The following KCNJ6 variants were observed in gnomAD, a reference collection of about 807,000 sequenced individuals.
The protein encoded by KCNJ6 is potassium inwardly rectifying channel subfamily J member 6.
A neutral mutation model predicts 34.2 loss-of-function variants in KCNJ6; 9 were observed. That is an observed-to-expected ratio of 0.26 (90% CI 0.16 to 0.46). KCNJ6 has a LOEUF of 0.46. Among genes scored for constraint, KCNJ6 ranks in the 20% least tolerant of loss-of-function variants. The pLI, the probability that KCNJ6 is intolerant of heterozygous loss-of-function variation, is 1.00. For missense variants in KCNJ6, 236 were observed against 531.3 expected (o/e 0.44, Z 5.46); for synonymous variants, 196 against 207.1 (o/e 0.95, Z 0.46).
At chr21:37,693,730 T>C (rs930813853) in intron 3 of KCNJ6, among the ~76,000 whole-genome samples, 3 of 152,190 alleles carry the variant, frequency 2.0e-5, no homozygotes, top group South Asian at 2.1e-4. Context: ...GTCTAATAGA[T>C]TAAATGGTAA....
intron 1 of KCNJ6, among the ~76,000 whole-genome samples, chr21:37,910,462 CTT>C: frequency 6.6e-6 from 1 of 152,304 alleles, no homozygotes; most frequent in East Asian, 1.9e-4. Context: ...AGGATTTAAA[CTT>C]AATTTATAGA....
rs932818863 is a variant in KCNJ6 at position 37,610,321 on chromosome 21, G to A, written c.*14838C>T. The A allele has an allele frequency of 6.6e-6, 1 of 152,138 alleles. No individual in the cohort carries two copies. The highest frequency in any genetic ancestry group is 6.6e-5 in the Admixed American group (1 of 15,266). 9.4% of individuals were successfully genotyped at this position (152,138 alleles called of 1,614,324 possible). Reference sequence around the variant, plus strand: ...CATGGAATGTTCATCAAGTTAGACTGCATTCTGGGTCATAAAACATACCTT... The same window carrying A: ...CATGGAATGTTCATCAAGTTAGACTACATTCTGGGTCATAAAACATACCTT... On this transcript the variant is annotated 3_prime_UTR_variant, in exon 4 of 4. Coordinates refer to ENST00000609713, the MANE Select transcript of KCNJ6 (RefSeq NM_002240.5).
At chr21:37,813,989 T>C (rs2055334632) in intron 2 of KCNJ6, among the ~76,000 whole-genome samples, 1 of 152,146 alleles carries the variant, frequency 6.6e-6, no homozygotes, top group Non-Finnish European at 1.5e-5. Context: ...GGAGAAAATA[T>C]GTGAAAACTA....
In KCNJ6 at chr21:37,836,616, A is replaced by G. The variant is rs533324161; in HGVS notation, c.25+4042T>C. Among the ~76,000 whole-genome samples, 8 of 152,298 alleles carry G rather than the reference A, an allele frequency of 5.3e-5. No individual in the cohort carries two copies. The East Asian group carries it at 7.7e-4, about 15-fold the overall frequency. On this transcript the variant is annotated intron_variant, in intron 2 of 3. Transcript: ENST00000609713. ...GACATGGATGAAGCTGGAAACTATCATTCTCAGCAAACTAACACGAGAACG... is the reference window on the plus strand; with the variant it reads ...GACATGGATGAAGCTGGAAACTATCGTTCTCAGCAAACTAACACGAGAACG...
intron 3 of KCNJ6, among the ~76,000 whole-genome samples, chr21:37,628,269 A>G (rs1240034126): frequency 6.6e-6 from 1 of 152,210 alleles, no homozygotes; most frequent in Non-Finnish European, 1.5e-5. Flanking sequence ...AAAGAACTAA[A>G]AGAAGCCATG....
chr21:37,739,501 T>A (rs2054929160), intron 2 of KCNJ6, among the ~76,000 whole-genome samples: 1 of 152,174 alleles, frequency 6.6e-6, no homozygotes, highest in African/African-American at 2.4e-5. Context: ...TAAGAGTTCA[T>A]AATGTGATAT....
At chr21:37,914,009 GT>G (rs1336501476) in intron 1 of KCNJ6, among the ~76,000 whole-genome samples, 245 of 16,712 alleles carry the variant, frequency 0.015, no homozygotes, top group African/African-American at 0.071. Flanking sequence ...GCGGATCGGG[GT>G]GTGTGTGTGT....
At chr21:37,763,490 CTG>C (rs1403165529) in intron 2 of KCNJ6, among the ~76,000 whole-genome samples, 1 of 152,164 alleles carries the variant, frequency 6.6e-6, no homozygotes, top group Non-Finnish European at 1.5e-5. Context: ...GCAGGTGGCT[CTG>C]TGTGTCATGA....
At chr21:37,860,746 G>A (rs531461360) in intron 1 of KCNJ6, among the ~76,000 whole-genome samples, 2 of 152,082 alleles carry the variant, frequency 1.3e-5, no homozygotes. Context: ...TATCATCCAG[G>A]TCATGGTTAC....
At chr21:37,784,964 T>C (rs915602304) in intron 2 of KCNJ6, among the ~76,000 whole-genome samples, 1 of 152,302 alleles carries the variant, frequency 6.6e-6, no homozygotes, top group South Asian at 2.1e-4. Context: ...TTGGAGAATG[T>C]CACAGAGATT....
chr21:37,638,692 C>T (rs1364962195), intron 3 of KCNJ6, among the ~76,000 whole-genome samples: 1 of 152,144 alleles, frequency 6.6e-6, no homozygotes, highest in Non-Finnish European at 1.5e-5. Flanking sequence ...ATTCTCTGCC[C>T]AAATCTGGGG....
intron 2 of KCNJ6, among the ~76,000 whole-genome samples, chr21:37,762,104 C>T (rs2055068396): frequency 6.6e-6 from 1 of 152,166 alleles, no homozygotes; most frequent in African/African-American, 2.4e-5. Flanking sequence ...TGCAGGATTG[C>T]ACCTATCCTC....
At chr21:37,679,745 T>C (rs557177595) in intron 3 of KCNJ6, among the ~76,000 whole-genome samples, 137 of 152,308 alleles carry the variant, frequency 9.0e-4, no homozygotes, top group African/African-American at 3.3e-3. Flanking sequence ...TTCTGTATGG[T>C]AGGGATTACA....
intron 3 of KCNJ6, among the ~76,000 whole-genome samples, chr21:37,687,781 G>T (rs1272960259): frequency 1.3e-5 from 2 of 152,186 alleles, no homozygotes; most frequent in Non-Finnish European, 2.9e-5. Flanking sequence ...TTAGCTTCCA[G>T]CATCGGTCTT....
At chr21:37,646,155 C>G (rs1034636075) in intron 3 of KCNJ6, among the ~76,000 whole-genome samples, 1 of 152,146 alleles carries the variant, frequency 6.6e-6, no homozygotes, top group Non-Finnish European at 1.5e-5. Flanking sequence ...TATATATCAA[C>G]GGATCTCTAC....
chr21:37,790,137 T>A (rs2123520958), intron 2 of KCNJ6, among the ~76,000 whole-genome samples: 1 of 152,336 alleles, frequency 6.6e-6, no homozygotes, highest in South Asian at 2.1e-4. Context: ...CAAGGCTAAA[T>A]GTTACATTCC....
chr21:37,787,428 G>A (rs2123518555), intron 2 of KCNJ6, among the ~76,000 whole-genome samples: 1 of 152,230 alleles, frequency 6.6e-6, no homozygotes, highest in East Asian at 1.9e-4. Context: ...CTTTTAATGG[G>A]GATCTCATAA....
chr21:37,753,208 GA>G, intron 2 of KCNJ6, among the ~76,000 whole-genome samples: 1 of 152,196 alleles, frequency 6.6e-6, no homozygotes, highest in Non-Finnish European at 1.5e-5. Flanking sequence ...GGGGTTTCTG[GA>G]TGCCTAGAGT....
chr21:37,650,049 C>A (rs1052305044), intron 3 of KCNJ6, among the ~76,000 whole-genome samples: 1 of 152,086 alleles, frequency 6.6e-6, no homozygotes, highest in African/African-American at 2.4e-5. Flanking sequence ...AGGTGTGAAC[C>A]ACCGCGCCTG....
Sources: allele counts gnomAD v4.1 joint callset (sites outside exome capture counted in the v4.1 genomes callset), GRCh38; gene constraint gnomAD v4.1.1; transcripts MANE v1.5; gene names NCBI Gene and HGNC (gene_info 2026-07-23, HGNC 2026-07-21).